ABCC2: variants seen among roughly 807,000 people sequenced by gnomAD.
The protein encoded by ABCC2 is ATP binding cassette subfamily C member 2, also known as ATP-binding cassette sub-family C member 2.
ABCC2 carries 157 observed loss-of-function variants against 173.4 expected under a neutral mutation model. That is an observed-to-expected ratio of 0.91 (90% CI 0.80 to 1.03). The LOEUF (loss-of-function observed/expected upper bound fraction) is 1.03. Ranked by LOEUF, ABCC2 falls within the 50% of genes least tolerant of loss-of-function variation. ABCC2 has a pLI of 0.00. For missense variants in ABCC2, 1,822 were observed against 1,852.3 expected, an observed-to-expected ratio of 0.98 and a Z score of 0.30; for synonymous variants, 657 against 693.5, an observed-to-expected ratio of 0.95 and a Z score of 0.83.
intron 30 of ABCC2, among the ~76,000 whole-genome samples, chr10:99,850,047 A>C (rs774600875): frequency 1.7e-4 from 26 of 152,264 alleles, no homozygotes; most frequent in Non-Finnish European, 3.4e-4. Context: ...TCAAAGCAGA[A>C]GGCCTTGAAC....
chr10:99,794,503 T>G, intron 6 of ABCC2, 35 bp downstream of exon 6: 1 of 1,559,822 alleles, frequency 6.4e-7, no homozygotes. Context: ...GGCTGTATCC[T>G]TACTCTCTCA....
At chr10:99,784,018 G>A (rs1377537866) in intron 1 of ABCC2, among the ~76,000 whole-genome samples, 2 of 120,424 alleles carry the variant, frequency 1.7e-5, no homozygotes, top group Non-Finnish European at 3.2e-5. Flanking sequence ...CACTTCACAA[G>A]ACACTTCCAT....
rs182554181 is a variant in ABCC2, at chr10:99,791,886, C to T, written c.208-348C>T. ...TTATGCCCTAGCCTTGGAAGTCACA[C>T]GCTGTCACTTCTGCCATTTTCTATT... On this transcript the variant is annotated intron_variant, in intron 2 of 31. Transcript: ENST00000647814. 8.4e-3 allele frequency among the ~76,000 whole-genome samples: 1,278 copies of T among 152,304 alleles called. 8 individuals are homozygous for T. Among genetic ancestry groups the T allele is most frequent in the Non-Finnish European group, 0.013 (869 of 68,022 alleles).
chr10:99,836,229 C>T lies in ABCC2; in HGVS notation c.3553C>T (p.His1185Tyr). 1 of 1,614,194 alleles carries T rather than the reference C, an allele frequency of 6.2e-7. No individual in the cohort carries two copies. ...AFEHQQRFLK[H>Y]NEVRIDTNQK... ...TGAGCACCAGCAGCGATTTCTGAAA[C>T]ACAATGAGGTGAGGATTGACACCAA... is the stretch of plus-strand genomic sequence containing the variant. The change falls in exon 25 of 32, where the codon CAC becomes TAC. Residue 1185 changes from histidine (H) to tyrosine (Y), a missense_variant. His to Tyr is a moderately conservative substitution (Grantham distance 83). Transcript: ENST00000647814.
rs779892184 is a variant in ABCC2 at position 99,793,702 on chromosome 10, T to C, written c.468+17T>C. ...CTCTTACAGGTAAGGAAAAAAAGAG[T>C]GGATGACATGAGGAGGTACCATGGG... On this transcript the variant is annotated intron_variant, in intron 4 of 31. Coordinates refer to ENST00000647814, the MANE Select transcript of ABCC2 (RefSeq NM_000392.5). 2 of 1,613,706 alleles carry C rather than the reference T, an allele frequency of 1.2e-6. No individual in the cohort carries two copies. Among genetic ancestry groups the C allele is most frequent in the Non-Finnish European group, 1.7e-6 (2 of 1,179,918 alleles).
Position 99,795,779 on chromosome 10 carries a change from G to GAA in ABCC2, c.632+1313_632+1314dup, listed in dbSNP as rs1174804905. Among the ~76,000 whole-genome samples the GAA allele has an allele frequency of 2.6e-3, 375 of 146,924 alleles. 5 individuals carry two copies. The highest frequency in any genetic ancestry group is 9.2e-3 in the African/African-American group (344 of 37,526). Reference sequence around the variant, plus strand: ...AGAAAGAAAGAAAGAAAGAAAGAAAGAAAGAAAGAAAGAAAGAAAGAAAGA... The same window carrying GAA: ...AGAAAGAAAGAAAGAAAGAAAGAAAGAAAAAGAAAGAAAGAAAGAAAGAAAGA... On this transcript the variant is annotated intron_variant, in intron 6 of 31. Transcript: ENST00000647814.
At chr10:99,834,675 G>A (rs1041146444) in intron 24 of ABCC2, 140 bp downstream of exon 24, 5 of 1,072,030 alleles carry the variant, frequency 4.7e-6, no homozygotes, top group Non-Finnish European at 7.2e-6. Context: ...GTCATATGTT[G>A]ACATACCCAG....
At position 99,804,023 on chromosome 10, in the gene ABCC2, T is replaced by G; in HGVS notation, c.1214T>G (p.Leu405Trp). 6.2e-7 allele frequency: 1 copy of G among 1,614,214 alleles called. No homozygotes were observed. Among genetic ancestry groups the G allele is most frequent in the Non-Finnish European group, 8.5e-7 (1 of 1,180,024 alleles). ...AATTTCAATCCTTATCTTTAGGCAT[T>G]GACCCTATCCAACTTGGCCAGGAAG... Reference protein sequence around the residue: ...AIMASVYKKALTLSNLARKEY... With the variant: ...AIMASVYKKAWTLSNLARKEY... Residue 405 changes from leucine (L) to tryptophan (W), a missense_variant, in exon 10 of 32, where the codon TTG (leucine) becomes TGG (tryptophan). Coordinates refer to ENST00000647814, the MANE Select transcript of ABCC2 (RefSeq NM_000392.5).
chr10:99,846,683 G>T (rs1162393556), intron 29 of ABCC2, among the ~76,000 whole-genome samples: 1 of 152,220 alleles, frequency 6.6e-6, no homozygotes, highest in Non-Finnish European at 1.5e-5. Flanking sequence ...AGGCTGCAGT[G>T]AGCGGTGTTT....
At chr10:99,827,929 C>CACAGGTG (rs2038673065) in intron 19 of ABCC2, among the ~76,000 whole-genome samples, 1 of 132,574 alleles carries the variant, frequency 7.5e-6, no homozygotes. Context: ...TACCTTCACC[C>CACAGGTG]TAGAGAAAAG....
intron 23 of ABCC2, 37 bp from the exon 24 acceptor site, chr10:99,834,343 C>G (rs745686700): frequency 6.2e-7 from 1 of 1,609,516 alleles, no homozygotes; most frequent in South Asian, 1.1e-5. Flanking sequence ...TTAGGAAGAC[C>G]TCAGTGATGG....
intron 19 of ABCC2, among the ~76,000 whole-genome samples, chr10:99,819,793 G>A (rs953498217): frequency 5.3e-5 from 8 of 152,194 alleles, no homozygotes; most frequent in Admixed American, 3.3e-4. Context: ...TGGCAGTTGC[G>A]TAGTCTCAGA....
Position 99,845,700 on chromosome 10 carries a change from G to A in ABCC2, c.4064G>A (p.Gly1355Asp). The change falls in exon 29 of 32, where the codon GGT (glycine) becomes GAT (aspartate). Residue 1355 changes from glycine (G) to aspartate (D), a missense_variant. Transcript: ENST00000647814. ...CTCTTCAGAATCTTAGAGGCTGCCG[G>A]TGGTCAGATTATCATTGATGGAGTA... ...NCLFRILEAA[G>D]GQIIIDGVDI... 1 of 1,614,078 alleles carries A rather than the reference G, an allele frequency of 6.2e-7. No homozygotes were observed.
At chr10:99,817,256 C>T (rs1331151769) in intron 16 of ABCC2, 52 bp from the exon 17 acceptor site, 6 of 1,587,758 alleles carry the variant, frequency 3.8e-6, no homozygotes, top group Non-Finnish European at 5.2e-6. Context: ...GTCCTTCAAC[C>T]CTGCGTTTCT....
chr10:99,800,838 G>T (rs1180375562), intron 9 of ABCC2, among the ~76,000 whole-genome samples: 1 of 152,302 alleles, frequency 6.6e-6, no homozygotes, highest in East Asian at 1.9e-4. Flanking sequence ...AGCCCTGAAG[G>T]CTTGGCTACC....
chr10:99,800,035 C>T (rs1369378863), intron 8 of ABCC2, among the ~76,000 whole-genome samples: 1 of 152,136 alleles, frequency 6.6e-6, no homozygotes, highest in Non-Finnish European at 1.5e-5. Flanking sequence ...GACCCCATCT[C>T]TACAAAAGAA....
chr10:99,789,571 CG>C (rs2037777119), intron 2 of ABCC2, among the ~76,000 whole-genome samples: 1 of 151,754 alleles, frequency 6.6e-6, no homozygotes, highest in Non-Finnish European at 1.5e-5. Flanking sequence ...AAAAATTAGC[CG>C]GGCATAATGG....
chr10:99,806,075 GTC>G (rs796678291), intron 11 of ABCC2, among the ~76,000 whole-genome samples: 1 of 107,856 alleles, frequency 9.3e-6, no homozygotes, highest in Non-Finnish European at 2.0e-5. Context: ...CTCTCTCTCT[GTC>G]TGTGTGTGTG....
At chr10:99,851,071 C>T (rs575028615) in intron 31 of ABCC2, among the ~76,000 whole-genome samples, 8 of 152,288 alleles carry the variant, frequency 5.3e-5, no homozygotes, top group South Asian at 4.1e-4. Flanking sequence ...AAGCTCAAGC[C>T]GTGAGAGGCA....
Sources: allele counts gnomAD v4.1 joint callset (sites outside exome capture counted in the v4.1 genomes callset), GRCh38; gene constraint gnomAD v4.1.1; transcripts MANE v1.5; gene names NCBI Gene and HGNC (gene_info 2026-07-23, HGNC 2026-07-21).